Variants in ALG9 observed in about 807,000 individuals in gnomAD.
ALG9 encodes the protein ALG9 alpha-1,2-mannosyltransferase, also known as alpha-1,2-mannosyltransferase ALG9.
ALG9 carries 55 observed loss-of-function variants against 81.8 expected under a neutral mutation model. That is an observed-to-expected ratio of 0.67 (90% confidence interval 0.54 to 0.84). The LOEUF (loss-of-function observed/expected upper bound fraction) is 0.84, where lower values mean the gene tolerates loss of function less well. Among genes scored for constraint, ALG9 ranks in the 40% least tolerant of loss-of-function variants. The probability of loss-of-function intolerance (pLI) is 0.00; values close to 1 mark genes in which losing one functional copy is unlikely to be tolerated. For synonymous variants in ALG9, 278 were observed against 274.3 expected (o/e 1.01, Z -0.13); for missense variants, 629 against 745.0 (o/e 0.84, Z 1.81).
intron 14 of ALG9, among the ~76,000 whole-genome samples, chr11:111,800,694 T>C (rs976359850): frequency 6.6e-5 from 10 of 152,178 alleles, no homozygotes; most frequent in Admixed American, 6.5e-4. Flanking sequence ...TAATTACCTA[T>C]TGATTTGTGT....
At chr11:111,870,906 C>G (rs1964110187) in intron 1 of ALG9, 2 of 998,830 alleles carry the variant, frequency 2.0e-6, no homozygotes, top group Non-Finnish European at 2.4e-6. Flanking sequence ...TACTCCAATT[C>G]CATATGTTGA....
intron 14 of ALG9, among the ~76,000 whole-genome samples, chr11:111,802,483 T>C (rs1281090897): frequency 6.6e-6 from 1 of 152,198 alleles, no homozygotes; most frequent in African/African-American, 2.4e-5. Context: ...AGGCAATCTA[T>C]AGAAGCAGAG....
intron 6 of ALG9, among the ~76,000 whole-genome samples, chr11:111,856,390 T>A (rs1555143155): frequency 6.6e-6 from 1 of 151,612 alleles, no homozygotes. Flanking sequence ...TCATGGAATG[T>A]TATGCAACCA....
chr11:111,842,780 A>G (rs1956420994), intron 9 of ALG9, among the ~76,000 whole-genome samples: 1 of 152,200 alleles, frequency 6.6e-6, no homozygotes, highest in Non-Finnish European at 1.5e-5. Flanking sequence ...AATATAAAGA[A>G]AAAAACAGAA....
intron 8 of ALG9, among the ~76,000 whole-genome samples, chr11:111,850,082 G>A (rs1555135958): frequency 1.3e-5 from 2 of 152,040 alleles, no homozygotes; most frequent in African/African-American, 4.8e-5. Flanking sequence ...TATACTGAAT[G>A]GCCTCACCAA....
chr11:111,853,567 T>G (rs1958166968), intron 7 of ALG9, 82 bp from the exon 8 acceptor site: 1 of 1,563,282 alleles, frequency 6.4e-7, no homozygotes, highest in East Asian at 2.2e-5. Flanking sequence ...AAAAACAGAA[T>G]AAACTCCTGA....
Position 111,784,329 on chromosome 11 carries a change from G to A in ALG9, c.*2068C>T, listed in dbSNP as rs1385203772. ...TTCCTGCAGAGGAGATCTCAAAGAG[G>A]AGCTTTTTAATATTGTAACTAGCCA... On this transcript the variant is annotated 3_prime_UTR_variant, in exon 15 of 15. Coordinates refer to ENST00000616540, the MANE Select transcript of ALG9 (RefSeq NM_024740.2). The A allele has an allele frequency of 6.6e-6, 1 of 152,232 alleles. No individual in the cohort carries two copies. Among genetic ancestry groups the A allele is most frequent in the East Asian group, 1.9e-4 (1 of 5,206 alleles). 9.4% of individuals were successfully genotyped at this position (152,232 alleles called of 1,614,324 possible).
chr11:111,818,365 T>C (rs1294589306), intron 13 of ALG9, among the ~76,000 whole-genome samples: 2 of 152,220 alleles, frequency 1.3e-5, no homozygotes, highest in African/African-American at 2.4e-5. Context: ...CTAGGCTGTA[T>C]GGTGTAGCCA....
chr11:111,859,446 T>C (rs1555146057), intron 5 of ALG9, among the ~76,000 whole-genome samples: 1 of 151,076 alleles, frequency 6.6e-6, no homozygotes. Context: ...GGGGTTGCAA[T>C]GAGCCGAGAT....
At chr11:111,822,614 G>A (rs781880798) in intron 13 of ALG9, among the ~76,000 whole-genome samples, 54 of 152,164 alleles carry the variant, frequency 3.5e-4, no homozygotes, top group Admixed American at 1.0e-3. Context: ...TCAGGAGGGC[G>A]AGGTGGGAGA....
chr11:111,832,433 A>G (rs1369560580), intron 13 of ALG9, among the ~76,000 whole-genome samples: 1 of 151,228 alleles, frequency 6.6e-6, no homozygotes, highest in African/African-American at 2.4e-5. Flanking sequence ...GAGCCACCAT[A>G]CCTGGCTAAT....
chr11:111,825,140 G>C (rs560378490), intron 13 of ALG9, among the ~76,000 whole-genome samples: 2 of 152,162 alleles, frequency 1.3e-5, no homozygotes, highest in African/African-American at 2.4e-5. Flanking sequence ...AAAAATGGTA[G>C]TGCTTGAGTC....
At chr11:111,870,826 C>A (rs1964087253) in intron 1 of ALG9, 4 of 1,006,488 alleles carry the variant, frequency 4.0e-6, no homozygotes, top group Middle Eastern at 5.0e-4. Flanking sequence ...TTAACAAGGT[C>A]ATTGCTTTTG....
At chr11:111,850,706 C>CAAAA (rs782114013) in intron 8 of ALG9, among the ~76,000 whole-genome samples, 23,594 of 66,476 alleles carry the variant, frequency 0.35, 4,539 homozygotes, top group Admixed American at 0.42. Context: ...GATACTGTCT[C>CAAAA]AAAAAAAAAA....
intron 14 of ALG9, chr11:111,798,240 C>A: frequency 3.4e-6 from 1 of 293,710 alleles, no homozygotes; most frequent in East Asian, 1.2e-4. Flanking sequence ...ATCTCACAAT[C>A]CCCAAACTAA....
In ALG9 at chr11:111,832,615, T is replaced by C. The variant is rs369362722; in HGVS notation, c.1602+3550A>G. 3.3e-5 allele frequency among the ~76,000 whole-genome samples: 5 copies of C among 152,318 alleles called. No homozygotes were observed. The East Asian group carries it at 7.7e-4, about 23-fold the overall frequency. ...CTGACAAAGTTTTTTAAGTATTGTG[T>C]CCCTAACTCCGTTTTCCCAATAAGC... is the stretch of plus-strand genomic sequence containing the variant. On this transcript the variant is annotated intron_variant, in intron 13 of 14. Transcript: ENST00000616540.
chr11:111,849,361 C>T (rs1257592349), intron 8 of ALG9: 1 of 152,126 alleles, frequency 6.6e-6, no homozygotes, highest in Non-Finnish European at 1.5e-5. Context: ...TTCAATGTTT[C>T]TTTAACTGAA....
At chr11:111,840,484 A>G (rs987430467) in intron 10 of ALG9, among the ~76,000 whole-genome samples, 171 bp downstream of exon 10, 8 of 152,234 alleles carry the variant, frequency 5.3e-5, no homozygotes, top group Non-Finnish European at 8.8e-5. Flanking sequence ...AAGTATGGTA[A>G]ACAGCTAAGC....
intron 8 of ALG9, among the ~76,000 whole-genome samples, chr11:111,847,409 C>A (rs1383831940): frequency 6.6e-6 from 1 of 152,228 alleles, no homozygotes; most frequent in Non-Finnish European, 1.5e-5. Flanking sequence ...GGGATCCTGT[C>A]CTAAGCTGCA....
Sources: gnomAD v4.1 joint callset for allele counts (sites outside exome capture counted in the v4.1 genomes callset) on GRCh38, gnomAD v4.1.1 for gene constraint, MANE v1.5 for transcripts, NCBI Gene and HGNC (gene_info 2026-07-23, HGNC 2026-07-21) for gene names.